Variants in ADGRG2 observed in about 807,000 individuals in gnomAD.
ADGRG2 encodes the protein G protein-coupled receptor 64.
In ADGRG2, 26 loss-of-function variants were observed where a neutral mutation model predicts 74.1. The observed-to-expected ratio is 0.35, with a 90% confidence interval of 0.26 to 0.49. The LOEUF is 0.49. ADGRG2 is among the 20% of genes least tolerant of loss of function. The pLI is 0.99. For synonymous variants in ADGRG2, 296 were observed against 295.2 expected, an observed-to-expected ratio of 1.00 and a Z score of -0.03; for missense variants, 619 against 763.1, an observed-to-expected ratio of 0.81 and a Z score of 2.22.
At chrX:19,073,906 G>T (rs2061692237) in intron 2 of ADGRG2, among the ~76,000 whole-genome samples, 1 of 111,934 alleles carries the variant, frequency 8.9e-6, no homozygotes, top group African/African-American at 3.2e-5. Context: ...ATATATGTTG[G>T]CTTACAAGAC....
chrX:19,118,576 C>T (rs945547826), intron 1 of ADGRG2, among the ~76,000 whole-genome samples: 2 of 110,882 alleles, frequency 1.8e-5, no homozygotes, highest in Non-Finnish European at 3.8e-5. Context: ...TTTGTAGGGA[C>T]GGGAATGTTG....
In ADGRG2 at chrX:19,075,432, C is replaced by T. The variant is rs776802179; in HGVS notation, c.-1-6597G>A. Among the ~76,000 whole-genome samples the T allele has an allele frequency of 9.2e-5, 10 of 108,353 alleles. No homozygotes were observed. The South Asian group carries it at 1.2e-3, about 13-fold the overall frequency. 94.1% of individuals were successfully genotyped at this position (108,353 alleles called of 115,157 possible). Reference sequence around the variant, plus strand: ...AGGAGTTCGAGGTCAGCCTGCCTAACGAGGCGGAACCCCCGTCTCTACCAA... The same window carrying T: ...AGGAGTTCGAGGTCAGCCTGCCTAATGAGGCGGAACCCCCGTCTCTACCAA... On this transcript the variant is annotated intron_variant, in intron 2 of 28. Transcript: ENST00000379869.
chrX:19,077,470 C>T (rs1465407259), intron 2 of ADGRG2, among the ~76,000 whole-genome samples: 2 of 102,851 alleles, frequency 1.9e-5, no homozygotes, highest in African/African-American at 3.6e-5. Context: ...GCCGAGATTG[C>T]GCCACTACAC....
intron 3 of ADGRG2, among the ~76,000 whole-genome samples, chrX:19,045,376 C>T (rs1375756162): frequency 4.7e-5 from 5 of 106,921 alleles, no homozygotes; most frequent in African/African-American, 6.8e-5. Context: ...GGCGCAATCT[C>T]GGCTCACTGC....
At chrX:19,083,856 G>T (rs2061894483) in intron 1 of ADGRG2, among the ~76,000 whole-genome samples, 1 of 112,305 alleles carries the variant, frequency 8.9e-6, no homozygotes, top group African/African-American at 3.2e-5. Flanking sequence ...ATGAAGATCT[G>T]TGATAAGAAA....
At chrX:19,052,828 TA>T (rs2061346697) in intron 3 of ADGRG2, among the ~76,000 whole-genome samples, 1 of 109,616 alleles carries the variant, frequency 9.1e-6, no homozygotes, top group South Asian at 4.0e-4. Context: ...TAGCTGGGAT[TA>T]CAGGCGCCCA....
intron 2 of ADGRG2, among the ~76,000 whole-genome samples, chrX:19,070,210 G>C (rs1189467644): frequency 8.9e-6 from 1 of 112,795 alleles, no homozygotes; most frequent in Non-Finnish European, 1.9e-5. Context: ...TCAGTACATT[G>C]CATTTCCTTT....
intron 3 of ADGRG2, among the ~76,000 whole-genome samples, chrX:19,066,568 A>G (rs1393612115): frequency 3.0e-5 from 3 of 100,286 alleles, no homozygotes. Context: ...CAATCCTCCC[A>G]TCTCAGCCTC....
chrX:19,013,852 A>C lies in ADGRG2; in HGVS notation c.933T>G (p.Ala311=). 1 of 1,207,703 alleles carries C rather than the reference A, an allele frequency of 8.3e-7. No individual in the cohort carries two copies. The highest frequency in any genetic ancestry group is 1.1e-6 in the Non-Finnish European group (1 of 893,283). ...GGGGCATGTCAATGGCAGGGCTGGA[A>C]GCTATGGGAGCTGAAGGCTGGGGTG... ...PLSPQPSAPI[A]SSPAIDMPPQ... Residue 311 remains alanine (A), a synonymous_variant, in exon 16 of 29, where the codon GCT becomes GCG. Transcript: ENST00000379869.
intron 1 of ADGRG2, among the ~76,000 whole-genome samples, chrX:19,119,030 G>A (rs1447938980): frequency 8.9e-6 from 1 of 111,942 alleles, no homozygotes; most frequent in African/African-American, 3.2e-5. Flanking sequence ...GTTGCCAGGG[G>A]CTGAGAGTTG....
chrX:19,093,694 G>T, intron 1 of ADGRG2, among the ~76,000 whole-genome samples: 1 of 111,586 alleles, frequency 9.0e-6, no homozygotes, highest in East Asian at 2.8e-4. Context: ...TAGTATCTAA[G>T]AGACCACCTC....
chrX:19,009,713 G>T lies in ADGRG2; in HGVS notation c.1335C>A (p.Ser445=). The T allele has an allele frequency of 2.5e-6, 3 of 1,202,150 alleles. No individual in the cohort carries two copies. The highest frequency in any genetic ancestry group is 3.4e-6 in the Non-Finnish European group (3 of 886,447). The stretch of plus-strand genomic sequence containing the variant: ...TGATCACAGCCAGAGCCAAAGAAGG[G>T]GAGGTTAGACTTATAGTCGTGTTTG... ...NFSNTTISLT[S]PSLALAVIRV... is the part of the protein sequence containing the mutation. Residue 445 remains serine (S), a synonymous_variant, in exon 18 of 29, where the codon TCC becomes TCA. Transcript: ENST00000379869.
chrX:19,027,277 G>C lies in ADGRG2; in HGVS notation c.415-3C>G. On this transcript the variant is annotated splice_polypyrimidine_tract_variant and splice_region_variant and intron_variant, in intron 10 of 28. Transcript: ENST00000379869. ...GTGCCATTCGTTATATGTTGATTCT[G>C]TTAGAAGCATAAAATCATTAAGAAT... 1 of 1,073,615 alleles carries C rather than the reference G, an allele frequency of 9.3e-7. No homozygotes were observed. Among genetic ancestry groups the C allele is most frequent in the South Asian group, 1.9e-5 (1 of 53,844 alleles). 88.5% of individuals were successfully genotyped at this position (1,073,615 alleles called of 1,213,427 possible).
intron 3 of ADGRG2, among the ~76,000 whole-genome samples, chrX:19,051,785 C>T (rs2061327617): frequency 9.0e-6 from 1 of 111,579 alleles, no homozygotes; most frequent in Non-Finnish European, 1.9e-5. Context: ...CAACAGCCAG[C>T]AATAACTTGC....
chrX:19,055,996 A>G (rs768738979), intron 3 of ADGRG2, among the ~76,000 whole-genome samples: 4 of 109,548 alleles, frequency 3.7e-5, no homozygotes, highest in Non-Finnish European at 7.6e-5. Flanking sequence ...GACCTTCCAA[A>G]GTGCTGAGAT....
intron 19 of ADGRG2, 83 bp from the exon 20 acceptor site, chrX:19,007,440 C>T: frequency 1.1e-6 from 1 of 913,180 alleles, no homozygotes. Context: ...ATTCAGTCCA[C>T]ATTGTTTATC....
At chrX:19,096,691 A>C (rs1027479745) in intron 1 of ADGRG2, among the ~76,000 whole-genome samples, 4 of 111,889 alleles carry the variant, frequency 3.6e-5, no homozygotes, top group African/African-American at 1.3e-4. Flanking sequence ...AGGTATTTTC[A>C]GTGAGTCATG....
chrX:18,993,687 GAAAA>G (rs139677355), intron 28 of ADGRG2, among the ~76,000 whole-genome samples: 2 of 64,100 alleles, frequency 3.1e-5, no homozygotes, highest in Non-Finnish European at 6.3e-5. Flanking sequence ...TAAAAAAAAA[GAAAA>G]AAAAAAAAAA....
chrX:19,117,588 G>A lies in ADGRG2; in HGVS notation c.-47+4854C>T, dbSNP rs777256115. On this transcript the variant is annotated intron_variant, in intron 1 of 28. Coordinates refer to ENST00000379869, the MANE Select transcript of ADGRG2 (RefSeq NM_001079858.3). The stretch of plus-strand genomic sequence containing the variant: ...TCTCAGCACTTTGGGAGGCCGAGCC[G>A]GGTAGATCACTTGAGGTCAGGAGTT... Among the ~76,000 whole-genome samples the A allele has an allele frequency of 2.4e-4, 27 of 110,764 alleles. No individual in the cohort carries two copies. In the Admixed American group the frequency reaches 2.5e-3, roughly 10 times the overall value.
Sources: gnomAD v4.1 joint callset for allele counts (sites outside exome capture counted in the v4.1 genomes callset) on GRCh38, gnomAD v4.1.1 for gene constraint, MANE v1.5 for transcripts, NCBI Gene and HGNC (gene_info 2026-07-23, HGNC 2026-07-21) for gene names.